PCLAF: variants seen among roughly 807,000 people sequenced by gnomAD.
PCLAF encodes the protein PCNA-associated factor.
Under a neutral mutation model 15.1 loss-of-function variants are expected in PCLAF, and 12 were observed. That is an observed-to-expected ratio of 0.79 (90% CI 0.51 to 1.29). The LOEUF (loss-of-function observed/expected upper bound fraction) is 1.29. Among genes scored for constraint, PCLAF ranks in the 50% most tolerant of loss-of-function variants. The probability of loss-of-function intolerance (pLI) is 0.00; values close to 1 mark genes in which losing one functional copy is unlikely to be tolerated. For synonymous variants in PCLAF, 33 were observed against 47.1 expected (o/e 0.70, Z 1.22); for missense variants, 116 against 130.9 (o/e 0.89, Z 0.56).
chr15:64,366,125 GA>G, intron 3 of PCLAF, 50 bp from the exon 4 acceptor site: 8 of 1,387,964 alleles, frequency 5.8e-6, no homozygotes, highest in South Asian at 3.7e-5. Context: ...TCAACTGTTT[GA>G]AAAAAATAGT....
At chr15:64,382,930 T>C, upstream of PCLAF, 1 of 191,502 alleles carries the variant, frequency 5.2e-6, no homozygotes, top group South Asian at 6.9e-5. Context: ...AGGCGGAGGT[T>C]GCAGTGAGCC....
upstream of PCLAF, chr15:64,382,576 A>G (rs1596328930): frequency 6.5e-6 from 1 of 153,422 alleles, no homozygotes; most frequent in Non-Finnish European, 1.5e-5. Context: ...CACAGTGAGC[A>G]TAACTCTAGG....
At chr15:64,384,387 G>A (rs545240297), upstream of PCLAF, among the ~76,000 whole-genome samples, 1 of 152,066 alleles carries the variant, frequency 6.6e-6, no homozygotes, top group African/African-American at 2.4e-5. Context: ...GCCTGCCTCG[G>A]CCTCCCAAAG....
At chr15:64,370,856 T>TTTTTTTTTTA (rs1899272230) in intron 3 of PCLAF, among the ~76,000 whole-genome samples, 1 of 89,880 alleles carries the variant, frequency 1.1e-5, no homozygotes. Flanking sequence ...TTTTTTTTTT[T>TTTTTTTTTTA]AAGTATTTAC....
At chr15:64,368,454 G>A (rs1478401885) in intron 3 of PCLAF, among the ~76,000 whole-genome samples, 2 of 151,958 alleles carry the variant, frequency 1.3e-5, no homozygotes. Flanking sequence ...TTGTGCAAGC[G>A]CCTGATTTAC....
intron 3 of PCLAF, among the ~76,000 whole-genome samples, chr15:64,370,006 T>C (rs1899212539): frequency 6.6e-6 from 1 of 152,096 alleles, no homozygotes; most frequent in Non-Finnish European, 1.5e-5. Flanking sequence ...AAAGCTACTA[T>C]GGCCATATGG....
intron 3 of PCLAF, among the ~76,000 whole-genome samples, chr15:64,370,827 T>C (rs1282936971): frequency 5.7e-5 from 4 of 70,534 alleles, no homozygotes; most frequent in Admixed American, 2.4e-4. Context: ...ACTCATAAAG[T>C]TGTTTTTTTT....
At chr15:64,371,588 T>G (rs1899316488) in intron 3 of PCLAF, among the ~76,000 whole-genome samples, 1 of 151,906 alleles carries the variant, frequency 6.6e-6, no homozygotes, top group East Asian at 1.9e-4. Flanking sequence ...TCAAGATTAA[T>G]CAAATATGAC....
chr15:64,369,205 T>C (rs898803709), intron 3 of PCLAF, among the ~76,000 whole-genome samples: 2 of 151,742 alleles, frequency 1.3e-5, no homozygotes, highest in Admixed American at 1.3e-4. Context: ...CTACTAAAAA[T>C]TTAAAATTAG....
intron 1 of PCLAF, 142 bp from the exon 2 acceptor site, chr15:64,381,180 C>G (rs1002493153): frequency 4.1e-6 from 5 of 1,207,356 alleles, no homozygotes; most frequent in Non-Finnish European, 4.9e-6. Flanking sequence ...ACTTCCTCTT[C>G]TAGGTAAAGG....
At chr15:64,374,648 C>T (rs1478282201) in intron 3 of PCLAF, among the ~76,000 whole-genome samples, 1 of 151,954 alleles carries the variant, frequency 6.6e-6, no homozygotes, top group Non-Finnish European at 1.5e-5. Context: ...AGTTTGAGAC[C>T]GGCCTAGGCA....
upstream of PCLAF, among the ~76,000 whole-genome samples, chr15:64,384,441 A>G (rs1450225299): frequency 6.6e-6 from 1 of 151,522 alleles, no homozygotes; most frequent in African/African-American, 2.4e-5. Flanking sequence ...GCCTGCCTAC[A>G]TTTATACCAA....
chr15:64,373,476 T>C, intron 3 of PCLAF: 1 of 639,360 alleles, frequency 1.6e-6, no homozygotes, highest in East Asian at 3.5e-5. Flanking sequence ...TGGAGAACTG[T>C]AGCTGTTTCT....
rs772637057 is a variant in PCLAF at position 64,380,954 on chromosome 15, T to C, written c.127+4A>G. The C allele has an allele frequency of 6.2e-7, 1 of 1,613,782 alleles. No homozygotes were observed. The highest frequency in any genetic ancestry group is 8.5e-7 in the Non-Finnish European group (1 of 1,179,724). On this transcript the variant is annotated splice_donor_region_variant and intron_variant, in intron 2 of 3. Transcript: ENST00000300035. ...TCCCCTAACTTTAGGAGGGCTCTTC[T>C]TACCTTTCCTCGATGAAACTGATGT...
Position 64,376,987 on chromosome 15 carries a change from C to T in PCLAF, c.128-82G>A, listed in dbSNP as rs181493879. The T allele has an allele frequency of 7.9e-5, 85 of 1,074,204 alleles. No homozygotes were observed. In the African/African-American group the frequency reaches 1.3e-3, roughly 16 times the overall value. The allele number at this position is 1,074,204 out of a possible 1,614,324, so 66.5% of individuals were successfully genotyped here. A position where few individuals can be genotyped will look rare whatever the true frequency, so the allele number is the denominator to read the frequency against. The stretch of plus-strand genomic sequence containing the variant: ...TTAAACAACTTAATTCCTTCTTTAA[C>T]ATCAAATTCTCAAAGGTATTAAATA... On this transcript the variant is annotated intron_variant, in intron 2 of 3. Coordinates refer to ENST00000300035, the MANE Select transcript of PCLAF (RefSeq NM_014736.6).
At chr15:64,385,164 A>G (rs1899909628), upstream of PCLAF, among the ~76,000 whole-genome samples, 1 of 152,152 alleles carries the variant, frequency 6.6e-6, no homozygotes, top group South Asian at 2.1e-4. Flanking sequence ...TGCTGAGATT[A>G]CCGGTGTGGG....
upstream of PCLAF, chr15:64,381,613 C>T: frequency 8.2e-7 from 1 of 1,218,160 alleles, no homozygotes. Flanking sequence ...CATCAACACG[C>T]AAAGGCCTAG....
chr15:64,380,745 T>G (rs563953353), intron 2 of PCLAF, among the ~76,000 whole-genome samples: 1 of 152,032 alleles, frequency 6.6e-6, no homozygotes, highest in Non-Finnish European at 1.5e-5. Flanking sequence ...AGATAAGGTG[T>G]GTCGGTCCTT....
intron 3 of PCLAF, 40 bp from the exon 4 acceptor site, chr15:64,366,115 T>A: frequency 1.3e-6 from 2 of 1,531,552 alleles, no homozygotes; most frequent in Non-Finnish European, 1.8e-6. Context: ...CATCCAAGTA[T>A]CAACTGTTTG....
Sources: allele counts gnomAD v4.1 joint callset (sites outside exome capture counted in the v4.1 genomes callset), GRCh38; gene constraint gnomAD v4.1.1; transcripts MANE v1.5; gene names NCBI Gene and HGNC (gene_info 2026-07-23, HGNC 2026-07-21).